ANO3: variants seen among roughly 807,000 people sequenced by gnomAD.
ANO3 encodes anoctamin-3.
Under a neutral mutation model 144.8 loss-of-function variants are expected in ANO3, and 99 were observed. The ratio of observed to expected loss-of-function variants is 0.68; its 90% CI spans 0.58 to 0.81. The LOEUF is 0.81. ANO3 is among the 30% of genes least tolerant of loss of function. ANO3 has a pLI of 0.00. For synonymous variants in ANO3, 414 were observed against 392.6 expected (o/e 1.05, Z -0.64); for missense variants, 905 against 1,202.2 (o/e 0.75, Z 3.66).
intron 18 of ANO3, among the ~76,000 whole-genome samples, chr11:26,632,126 A>G (rs1373934749): frequency 2.0e-5 from 3 of 151,532 alleles, no homozygotes; most frequent in African/African-American, 7.3e-5. Flanking sequence ...CGGGAGGTGG[A>G]GGTTGCAGTG....
chr11:26,450,785 C>T (rs1168928834), intron 3 of ANO3, among the ~76,000 whole-genome samples: 1 of 152,210 alleles, frequency 6.6e-6, no homozygotes, highest in South Asian at 2.1e-4. Flanking sequence ...TTAAAATTCT[C>T]CAGGAAGTAT....
chr11:26,526,262 G>A (rs892296387), intron 7 of ANO3, among the ~76,000 whole-genome samples: 14 of 152,044 alleles, frequency 9.2e-5, no homozygotes, highest in African/African-American at 3.1e-4. Context: ...GAATAACTAT[G>A]GAAAAGGAGT....
intron 7 of ANO3, among the ~76,000 whole-genome samples, chr11:26,530,877 AC>A (rs1287580960): frequency 2.0e-5 from 3 of 151,970 alleles, no homozygotes; most frequent in East Asian, 3.9e-4. Context: ...AAGAAAAAAA[AC>A]AAAAACAAAA....
chr11:26,527,782 AT>A (rs1460401209), intron 7 of ANO3, among the ~76,000 whole-genome samples: 1 of 152,126 alleles, frequency 6.6e-6, no homozygotes, highest in East Asian at 1.9e-4. Context: ...TTCAGAAAGC[AT>A]TTTCACATTC....
chr11:26,471,420 TATA>T (rs1859777689), intron 4 of ANO3, among the ~76,000 whole-genome samples: 1 of 152,010 alleles, frequency 6.6e-6, no homozygotes, highest in South Asian at 2.1e-4. Context: ...TTGTTACAAA[TATA>T]ATATCACTAA....
chr11:26,606,202 A>C (rs1036580202), intron 17 of ANO3, among the ~76,000 whole-genome samples: 1 of 151,826 alleles, frequency 6.6e-6, no homozygotes, highest in Non-Finnish European at 1.5e-5. Flanking sequence ...TTACCCAATA[A>C]TCATTCAGTT....
chr11:26,291,342 T>C (rs1362083929), intron 1 of ANO3, among the ~76,000 whole-genome samples: 2 of 152,236 alleles, frequency 1.3e-5, no homozygotes, highest in African/African-American at 2.4e-5. Context: ...AGCACACTGA[T>C]GGGTCTTGAC....
At chr11:26,340,260 TA>T (rs1490692650) in intron 1 of ANO3, among the ~76,000 whole-genome samples, 5 of 152,238 alleles carry the variant, frequency 3.3e-5, no homozygotes, top group African/African-American at 1.2e-4. Context: ...TGCACCAACC[TA>T]ATATATTTTA....
intron 1 of ANO3, among the ~76,000 whole-genome samples, chr11:26,393,825 G>A (rs1015452618): frequency 5.9e-5 from 9 of 152,132 alleles, no homozygotes; most frequent in Non-Finnish European, 1.3e-4. Context: ...CACATAAATA[G>A]TTGATGCACA....
intron 4 of ANO3, among the ~76,000 whole-genome samples, chr11:26,481,244 G>A (rs758779279): frequency 6.6e-5 from 10 of 152,080 alleles, no homozygotes; most frequent in Non-Finnish European, 1.0e-4. Flanking sequence ...TATGTGAAAC[G>A]GGAAGTGAGG....
intron 17 of ANO3, among the ~76,000 whole-genome samples, chr11:26,611,483 T>C (rs181684024): frequency 2.0e-4 from 31 of 152,322 alleles, no homozygotes; most frequent in Non-Finnish European, 3.7e-4. Context: ...CTCGATATGA[T>C]CTCTGTCTTC....
At chr11:26,583,334 CTTCT>C (rs1439694058) in intron 14 of ANO3, among the ~76,000 whole-genome samples, 1 of 152,194 alleles carries the variant, frequency 6.6e-6, no homozygotes, top group Non-Finnish European at 1.5e-5. Flanking sequence ...GCTTTACAAT[CTTCT>C]TTCTTATTTA....
At chr11:26,643,591 A>G (rs935249070) in intron 23 of ANO3, among the ~76,000 whole-genome samples, 1 of 152,002 alleles carries the variant, frequency 6.6e-6, no homozygotes, top group East Asian at 1.9e-4. Flanking sequence ...CCCTGTCTCT[A>G]CTAAAAATAC....
At chr11:26,461,399 A>G (rs1859390199) in intron 3 of ANO3, among the ~76,000 whole-genome samples, 1 of 152,022 alleles carries the variant, frequency 6.6e-6, no homozygotes, top group Admixed American at 6.6e-5. Flanking sequence ...ATCTTTGTGC[A>G]AATATTACTA....
intron 1 of ANO3, among the ~76,000 whole-genome samples, chr11:26,397,794 T>C (rs982521806): frequency 2.6e-5 from 4 of 152,076 alleles, no homozygotes; most frequent in Admixed American, 6.6e-5. Flanking sequence ...CAAGAACTGA[T>C]TCTACCTAAC....
At chr11:26,581,042 T>C (rs1332156244) in intron 14 of ANO3, among the ~76,000 whole-genome samples, 4 of 152,190 alleles carry the variant, frequency 2.6e-5, no homozygotes, top group South Asian at 2.1e-4. Context: ...TTACAGATCA[T>C]ATAGCCAAGA....
chr11:26,236,817 C>CAA (rs55979503), intron 1 of ANO3, among the ~76,000 whole-genome samples: 2,260 of 86,546 alleles, frequency 0.026, 51 homozygotes, highest in East Asian at 0.13. Context: ...GACTCCGTCT[C>CAA]AAAAAAAAAA....
At chr11:26,286,372 A>G (rs1227057087) in intron 1 of ANO3, among the ~76,000 whole-genome samples, 2 of 152,224 alleles carry the variant, frequency 1.3e-5, no homozygotes, top group Non-Finnish European at 2.9e-5. Context: ...CTGGCTGCAC[A>G]GCAAAATCAT....
chr11:26,579,031 A>G (rs1428269378), intron 14 of ANO3, among the ~76,000 whole-genome samples: 1 of 152,232 alleles, frequency 6.6e-6, no homozygotes, highest in Non-Finnish European at 1.5e-5. Flanking sequence ...TGCCCAATTT[A>G]TTAACTATCA....
Sources: allele counts gnomAD v4.1 joint callset (sites outside exome capture counted in the v4.1 genomes callset), GRCh38; gene constraint gnomAD v4.1.1; transcripts MANE v1.5; gene names NCBI Gene and HGNC (gene_info 2026-07-23, HGNC 2026-07-21).